The following SLIT3 variants were observed in gnomAD, a reference collection of about 807,000 sequenced individuals.
SLIT3 encodes the protein slit homolog 3 protein.
In SLIT3, 68 loss-of-function variants were observed where a neutral mutation model predicts 184.0. The ratio of observed to expected loss-of-function variants is 0.37; its 90% CI spans 0.30 to 0.45. The LOEUF (loss-of-function observed/expected upper bound fraction) is 0.45, where lower values mean the gene tolerates loss of function less well. Among genes scored for constraint, SLIT3 ranks in the 20% least tolerant of loss-of-function variants. The pLI is 1.00. For synonymous variants in SLIT3, 831 were observed against 828.6 expected (o/e 1.00, Z -0.05); for missense variants, 1,707 against 2,026.0 (o/e 0.84, Z 3.02).
At chr5:168,838,225 A>G (rs1454075684) in intron 6 of SLIT3, among the ~76,000 whole-genome samples, 1 of 152,174 alleles carries the variant, frequency 6.6e-6, no homozygotes, top group Non-Finnish European at 1.5e-5. Flanking sequence ...TGAGTTCGGA[A>G]AGAGTAGTCC....
intron 20 of SLIT3, among the ~76,000 whole-genome samples, chr5:168,746,710 T>C (rs1754448894): frequency 2.0e-5 from 2 of 102,332 alleles, no homozygotes; most frequent in Non-Finnish European, 2.0e-5. Context: ...TGGTGGTGTG[T>C]GGTGTGGGTG....
chr5:168,787,127 G>A (rs1376567726), intron 11 of SLIT3, among the ~76,000 whole-genome samples: 4 of 152,204 alleles, frequency 2.6e-5, no homozygotes, highest in East Asian at 1.9e-4. Context: ...TTTCATTAAT[G>A]TTTCAACAAA....
rs868834218 is a variant in SLIT3, at chr5:169,300,983, C to T, written c.-274G>A. ...CCAGGTGCGGAGCGCCCCCTGGCCCCGCTGGCCCGCGGGCCGGGTTGGGGA... is the reference window on the plus strand; with the variant it reads ...CCAGGTGCGGAGCGCCCCCTGGCCCTGCTGGCCCGCGGGCCGGGTTGGGGA... On this transcript the variant is annotated 5_prime_UTR_variant, in exon 1 of 36. Transcript: ENST00000519560. The surrounding 1 kb of genome is among the most constrained non-coding windows in gnomAD (Gnocchi z 4.1). The T allele has an allele frequency of 2.1e-3, 354 of 169,228 alleles. 3 individuals are homozygous for T. The highest frequency in any genetic ancestry group is 7.6e-3 in the African/African-American group (318 of 41,598). 10.5% of individuals were successfully genotyped at this position (169,228 alleles called of 1,614,324 possible).
chr5:169,025,569 C>T (rs956966312), intron 4 of SLIT3, among the ~76,000 whole-genome samples: 3 of 152,142 alleles, frequency 2.0e-5, no homozygotes, highest in Non-Finnish European at 4.4e-5. Context: ...CAATCCATAC[C>T]TGGTAAAGAC....
At chr5:169,032,959 G>A (rs1389625923) in intron 4 of SLIT3, among the ~76,000 whole-genome samples, 1 of 113,028 alleles carries the variant, frequency 8.8e-6, no homozygotes, top group African/African-American at 3.5e-5. Flanking sequence ...TTGGTGGCAA[G>A]AGCAGCTGAA....
chr5:168,687,465 A>T (rs1050897257), intron 29 of SLIT3, among the ~76,000 whole-genome samples: 1 of 152,164 alleles, frequency 6.6e-6, no homozygotes, highest in Non-Finnish European at 1.5e-5. Flanking sequence ...GTTCTCACTG[A>T]GGCCTCTCAG....
chr5:168,928,178 C>T (rs1274472236), intron 4 of SLIT3, among the ~76,000 whole-genome samples: 1 of 152,040 alleles, frequency 6.6e-6, no homozygotes, highest in African/African-American at 2.4e-5. Flanking sequence ...TTTTTTTCAC[C>T]TTCAGGATTT....
intron 4 of SLIT3, among the ~76,000 whole-genome samples, chr5:168,980,511 T>C (rs953506357): frequency 2.6e-5 from 4 of 152,208 alleles, no homozygotes; most frequent in South Asian, 2.1e-4. Context: ...GCTTGGTAAG[T>C]GGCAGAGCAA....
At chr5:169,183,529 A>C (rs535632119) in intron 4 of SLIT3, among the ~76,000 whole-genome samples, 1 of 152,310 alleles carries the variant, frequency 6.6e-6, no homozygotes, top group African/African-American at 2.4e-5. Flanking sequence ...TGTTCAACAA[A>C]GGTTGGTCTG....
chr5:168,832,738 GTTATTT>G (rs1757921862), intron 6 of SLIT3, among the ~76,000 whole-genome samples: 1 of 152,146 alleles, frequency 6.6e-6, no homozygotes, highest in Admixed American at 6.5e-5. Flanking sequence ...CTTCCCTTTT[GTTATTT>G]TTAAAGAGAA....
At chr5:168,889,291 C>G (rs1171743765) in intron 4 of SLIT3, among the ~76,000 whole-genome samples, 2 of 152,138 alleles carry the variant, frequency 1.3e-5, no homozygotes, top group Non-Finnish European at 2.9e-5. Flanking sequence ...AAATGAGCAC[C>G]AAGCATATGT....
At chr5:168,878,768 G>T (rs1236295225) in intron 5 of SLIT3, among the ~76,000 whole-genome samples, 3 of 148,910 alleles carry the variant, frequency 2.0e-5, no homozygotes, top group Non-Finnish European at 4.4e-5. Context: ...AGGCGGGAGT[G>T]CAATGGTGCG....
chr5:168,777,721 C>T (rs1024192955), intron 12 of SLIT3, among the ~76,000 whole-genome samples: 4 of 152,126 alleles, frequency 2.6e-5, no homozygotes, highest in South Asian at 2.1e-4. Context: ...CTCCCTCAGG[C>T]GAGGTGTGTA....
intron 5 of SLIT3, among the ~76,000 whole-genome samples, chr5:168,875,910 A>G (rs1056390877): frequency 6.6e-6 from 1 of 152,112 alleles, no homozygotes; most frequent in South Asian, 2.1e-4. Context: ...TCTAGCAGCA[A>G]TTCTGAACCT....
intron 4 of SLIT3, among the ~76,000 whole-genome samples, chr5:168,935,908 T>C (rs1762144584): frequency 6.6e-6 from 1 of 152,178 alleles, no homozygotes; most frequent in African/African-American, 2.4e-5. Context: ...ATGGCAAACA[T>C]TAAAGAAGCA....
intron 1 of SLIT3, among the ~76,000 whole-genome samples, chr5:169,267,860 A>G (rs544153910): frequency 6.6e-6 from 1 of 152,350 alleles, no homozygotes; most frequent in South Asian, 2.1e-4. Flanking sequence ...TTTGCAGGAC[A>G]CATCTTGGTT....
intron 6 of SLIT3, among the ~76,000 whole-genome samples, chr5:168,843,408 C>T (rs146618299): frequency 1.4e-3 from 207 of 152,278 alleles, no homozygotes; most frequent in African/African-American, 4.7e-3. Flanking sequence ...AGATAGGTAA[C>T]CTGTGACTGT....
chr5:168,970,448 T>C (rs1286815054), intron 4 of SLIT3, among the ~76,000 whole-genome samples: 2 of 149,598 alleles, frequency 1.3e-5, no homozygotes, highest in African/African-American at 5.0e-5. Context: ...TGAGCTGAGA[T>C]AGCGCCACTG....
intron 20 of SLIT3, among the ~76,000 whole-genome samples, chr5:168,738,840 A>T (rs1239820810): frequency 6.8e-6 from 1 of 148,002 alleles, no homozygotes; most frequent in Non-Finnish European, 1.5e-5. Flanking sequence ...GGGGAGGTTG[A>T]GGCAGGAGAA....
Sources: allele counts gnomAD v4.1 joint callset (sites outside exome capture counted in the v4.1 genomes callset), GRCh38; gene constraint gnomAD v4.1.1; non-coding constraint Gnocchi (gnomAD v3.1); transcripts MANE v1.5; gene names NCBI Gene and HGNC (gene_info 2026-07-23, HGNC 2026-07-21).